ACAP2: variants seen among roughly 807,000 people sequenced by gnomAD.
ACAP2 encodes arf-GAP with coiled-coil, ANK repeat and PH domain-containing protein 2.
A neutral mutation model predicts 115.8 loss-of-function variants in ACAP2; 39 were observed. The ratio of observed to expected loss-of-function variants is 0.34; its 90% CI spans 0.26 to 0.44. ACAP2 has a LOEUF of 0.44. Among genes scored for constraint, ACAP2 ranks in the 20% least tolerant of loss-of-function variants. The probability of loss-of-function intolerance (pLI) is 1.00; values close to 1 mark genes in which losing one functional copy is unlikely to be tolerated. For synonymous variants in ACAP2, 289 were observed against 315.8 expected, an observed-to-expected ratio of 0.92 and a Z score of 0.90; for missense variants, 662 against 927.6, an observed-to-expected ratio of 0.71 and a Z score of 3.72.
intron 22 of ACAP2, chr3:195,285,485 T>C: frequency 3.7e-6 from 1 of 271,072 alleles, no homozygotes; most frequent in Non-Finnish European, 6.9e-6. Flanking sequence ...TTCCATTCAT[T>C]TCACTGGAAT....
chr3:195,420,514 A>T lies in ACAP2; in HGVS notation c.53+22281T>A, dbSNP rs1001627857. On this transcript the variant is annotated intron_variant, in intron 1 of 22. Coordinates refer to ENST00000326793, the MANE Select transcript of ACAP2 (RefSeq NM_012287.6). ...TAGGCGCGTGCCACCACACCCGGCTAATTTTTTGTACTTTTAGTAGAGATG... is the reference window on the plus strand; with the variant it reads ...TAGGCGCGTGCCACCACACCCGGCTTATTTTTTGTACTTTTAGTAGAGATG... 5.0e-4 allele frequency among the ~76,000 whole-genome samples: 76 copies of T among 151,464 alleles called. 3 individuals are homozygous for T.
chr3:195,385,284 G>A (rs1424356107), intron 2 of ACAP2, among the ~76,000 whole-genome samples: 2 of 150,854 alleles, frequency 1.3e-5, no homozygotes, highest in Admixed American at 6.6e-5. Flanking sequence ...CAAACTTACT[G>A]GCACATGGTA....
In ACAP2 at chr3:195,307,439, T is replaced by A. The variant is rs1475794765; in HGVS notation, c.910-116A>T. On this transcript the variant is annotated intron_variant, in intron 11 of 22. Coordinates refer to ENST00000326793, the MANE Select transcript of ACAP2 (RefSeq NM_012287.6). ...TGGTCTAATTTTCAAGATTTATATT[T>A]TATTTTAGAAACAGGGGTTATCAAT... 15 of 653,310 alleles carry A rather than the reference T, an allele frequency of 2.3e-5. No individual in the cohort carries two copies. In the East Asian group the frequency reaches 4.0e-4, roughly 17 times the overall value. The allele number at this position is 653,310 out of a possible 1,614,324, so 40.5% of individuals were successfully genotyped here. A position where few individuals can be genotyped will look rare whatever the true frequency, so the allele number is the denominator to read the frequency against.
intron 4 of ACAP2, among the ~76,000 whole-genome samples, chr3:195,378,373 T>G (rs1733711397): frequency 6.6e-6 from 1 of 152,012 alleles, no homozygotes; most frequent in Non-Finnish European, 1.5e-5. Flanking sequence ...GTCCCTATAG[T>G]CCCAGCTACT....
At chr3:195,377,516 A>T (rs1733635980) in intron 4 of ACAP2, among the ~76,000 whole-genome samples, 1 of 152,188 alleles carries the variant, frequency 6.6e-6, no homozygotes, top group South Asian at 2.1e-4. Context: ...AACTACTGGG[A>T]GTATAACAGT....
At chr3:195,439,493 C>T (rs1715841599) in intron 1 of ACAP2, among the ~76,000 whole-genome samples, 1 of 152,084 alleles carries the variant, frequency 6.6e-6, no homozygotes, top group Non-Finnish European at 1.5e-5. Flanking sequence ...TATTTTTATA[C>T]TTGAACACTG....
chr3:195,300,522 T>C (rs1727978864), intron 15 of ACAP2, among the ~76,000 whole-genome samples: 1 of 152,208 alleles, frequency 6.6e-6, no homozygotes, highest in Admixed American at 6.5e-5. Flanking sequence ...TTCATAGATA[T>C]AAATTCTTAG....
At chr3:195,378,212 G>C (rs1733694396) in intron 4 of ACAP2, among the ~76,000 whole-genome samples, 2 of 152,040 alleles carry the variant, frequency 1.3e-5, no homozygotes, top group Admixed American at 6.6e-5. Context: ...ACCAATCTCA[G>C]CTGGGTGCAG....
At chr3:195,304,697 T>C (rs190076885) in intron 13 of ACAP2, among the ~76,000 whole-genome samples, 2 of 152,074 alleles carry the variant, frequency 1.3e-5, no homozygotes, top group Non-Finnish European at 2.9e-5. Context: ...TCCCCACCAA[T>C]CCCTCATAGC....
At chr3:195,364,769 C>G (rs959699222) in intron 4 of ACAP2, among the ~76,000 whole-genome samples, 2 of 152,136 alleles carry the variant, frequency 1.3e-5, no homozygotes, top group African/African-American at 4.8e-5. Flanking sequence ...AGCAATCCTA[C>G]TCTCAGACGT....
At chr3:195,430,651 G>T (rs1201190416) in intron 1 of ACAP2, among the ~76,000 whole-genome samples, 1 of 152,116 alleles carries the variant, frequency 6.6e-6, no homozygotes, top group African/African-American at 2.4e-5. Flanking sequence ...GGAGGCAGAG[G>T]TTGCAGTGAG....
chr3:195,285,231 A>T (rs2108897896), intron 22 of ACAP2: 1 of 152,368 alleles, frequency 6.6e-6, no homozygotes. Context: ...TTCATTTTAA[A>T]TCTTCAACTC....
chr3:195,439,016 G>A (rs903230746), intron 1 of ACAP2, among the ~76,000 whole-genome samples: 2 of 151,766 alleles, frequency 1.3e-5, no homozygotes, highest in Non-Finnish European at 2.9e-5. Context: ...AGCCGACATC[G>A]TGCCATTGCA....
chr3:195,424,261 G>GTGTA (rs1456909404), intron 1 of ACAP2, among the ~76,000 whole-genome samples: 31 of 54,670 alleles, frequency 5.7e-4, no homozygotes, highest in Non-Finnish European at 8.6e-4. Context: ...GTGTGTGTGT[G>GTGTA]TATATATATA....
chr3:195,339,688 C>T (rs536017911), intron 6 of ACAP2, among the ~76,000 whole-genome samples: 134 of 151,896 alleles, frequency 8.8e-4, no homozygotes, highest in Non-Finnish European at 1.5e-3. Context: ...ATCAAACAAA[C>T]TAATAGTTAT....
chr3:195,397,910 T>G (rs947879959), intron 1 of ACAP2, among the ~76,000 whole-genome samples: 1 of 152,128 alleles, frequency 6.6e-6, no homozygotes, highest in African/African-American at 2.4e-5. Flanking sequence ...GAATTTGAAA[T>G]AGTCTGAAAA....
chr3:195,318,325 A>C (rs1729225135), intron 10 of ACAP2, among the ~76,000 whole-genome samples: 1 of 152,244 alleles, frequency 6.6e-6, no homozygotes, highest in Non-Finnish European at 1.5e-5. Context: ...TGTGGAAGCC[A>C]CTTTGGAAAT....
rs1729393410 is a variant in ACAP2, at chr3:195,320,744, A to G, written c.814T>C (p.Tyr272His). The change falls in exon 10 of 23, where the codon TAT (tyrosine) becomes CAT (histidine). Residue 272 changes from tyrosine to histidine, a missense_variant. This residue lies in a region of ACAP2 where 401 missense variants were observed against 604.4 expected (regional missense o/e 0.66). Transcript: ENST00000326793. ...GCATTGCTGGCTCGTTTGAACAGAT[A>G]TCCTTCCATAACTATGCCATTTGCA... ...DAANGIVMEG[Y>H]LFKRASNAFK... is the part of the protein sequence containing the mutation. The G allele has an allele frequency of 1.2e-6, 2 of 1,613,606 alleles. No homozygotes were observed. Among genetic ancestry groups the G allele is most frequent in the African/African-American group, 2.7e-5 (2 of 74,930 alleles).
At chr3:195,430,075 T>C (rs1163674138) in intron 1 of ACAP2, among the ~76,000 whole-genome samples, 1 of 152,198 alleles carries the variant, frequency 6.6e-6, no homozygotes, top group African/African-American at 2.4e-5. Flanking sequence ...GAAAGGAAGA[T>C]GAAAAGGACA....
Sources: allele counts gnomAD v4.1 joint callset (sites outside exome capture counted in the v4.1 genomes callset), GRCh38; gene constraint gnomAD v4.1.1; regional missense constraint gnomAD v4.1.1; transcripts MANE v1.5; gene names NCBI Gene and HGNC (gene_info 2026-07-23, HGNC 2026-07-21).